Variants in GPHN observed in about 807,000 individuals in gnomAD.
GPHN encodes the protein gephyrin.
In GPHN, 17 loss-of-function variants were observed where a neutral mutation model predicts 95.5. That is an observed-to-expected ratio of 0.18 (90% CI 0.12 to 0.27). The LOEUF (loss-of-function observed/expected upper bound fraction) is 0.27, where lower values mean the gene tolerates loss of function less well. GPHN is among the 10% of genes least tolerant of loss of function. The pLI, the probability that GPHN is intolerant of heterozygous loss-of-function variation, is 1.00. For synonymous variants in GPHN, 320 were observed against 322.5 expected, an observed-to-expected ratio of 0.99 and a Z score of 0.08; for missense variants, 660 against 978.1, an observed-to-expected ratio of 0.67 and a Z score of 4.34.
intron 2 of GPHN, among the ~76,000 whole-genome samples, chr14:66,692,971 G>A (rs1286036438): frequency 6.6e-6 from 1 of 151,822 alleles, no homozygotes; most frequent in South Asian, 2.1e-4. Context: ...TTGAACTATT[G>A]TTTATGTGGG....
At chr14:66,862,051 C>T (rs1398908344) in intron 4 of GPHN, among the ~76,000 whole-genome samples, 1 of 151,828 alleles carries the variant, frequency 6.6e-6, no homozygotes, top group African/African-American at 2.4e-5. Flanking sequence ...AACTGGAAAG[C>T]TTGTTTTTTG....
chr14:66,583,774 T>G (rs959458176), intron 1 of GPHN, among the ~76,000 whole-genome samples: 6 of 152,208 alleles, frequency 3.9e-5, no homozygotes, highest in African/African-American at 7.2e-5. Context: ...TACCATGCTG[T>G]TTTGGTTACT....
At chr14:67,562,362 T>C in the GPHN span, 2 of 1,613,612 alleles carry the variant, frequency 1.2e-6, no homozygotes, top group East Asian at 4.5e-5. Context: ...TCCAGCACGG[T>C]CCATTCTGGG....
chr14:66,999,108 T>C (rs2072036941), intron 9 of GPHN, among the ~76,000 whole-genome samples: 1 of 151,934 alleles, frequency 6.6e-6, no homozygotes. Context: ...AAAATTGTCT[T>C]TTCTTAAATA....
intron 18 of GPHN, among the ~76,000 whole-genome samples, chr14:67,150,464 A>AACAAAAC (rs1555503627): frequency 7.3e-6 from 1 of 136,098 alleles, no homozygotes; most frequent in African/African-American, 2.6e-5. Flanking sequence ...AAAAAAAAAA[A>AACAAAAC]AAAAAAAAAC....
At chr14:66,825,951 T>C (rs893696166) in intron 4 of GPHN, among the ~76,000 whole-genome samples, 2 of 152,244 alleles carry the variant, frequency 1.3e-5, no homozygotes, top group African/African-American at 2.4e-5. Context: ...TTGTGTTTTG[T>C]TTCTTTGTAA....
chr14:67,205,538 G>A, the GPHN span, among the ~76,000 whole-genome samples: 1 of 152,152 alleles, frequency 6.6e-6, no homozygotes, highest in South Asian at 2.1e-4. Context: ...ATTTCGATGG[G>A]TAAACATGAG....
At chr14:67,055,552 G>T (rs1365219829) in intron 10 of GPHN, among the ~76,000 whole-genome samples, 2 of 152,152 alleles carry the variant, frequency 1.3e-5, no homozygotes, top group Non-Finnish European at 2.9e-5. Flanking sequence ...CCATTACTGG[G>T]TATATACCCA....
chr14:67,079,740 A>G (rs2076619070), intron 11 of GPHN, among the ~76,000 whole-genome samples: 1 of 152,056 alleles, frequency 6.6e-6, no homozygotes, highest in South Asian at 2.1e-4. Context: ...AAAACTCTCT[A>G]TCCATTAAAT....
chr14:67,678,966 C>G, the GPHN span, among the ~76,000 whole-genome samples: 2 of 152,150 alleles, frequency 1.3e-5, no homozygotes, highest in African/African-American at 4.8e-5. Flanking sequence ...AATGGTAAAA[C>G]CAAGGTACGA....
At chr14:66,594,591 T>A (rs928475148) in intron 1 of GPHN, among the ~76,000 whole-genome samples, 1 of 152,112 alleles carries the variant, frequency 6.6e-6, no homozygotes, top group African/African-American at 2.4e-5. Context: ...CAATAAATGG[T>A]CGTAGGGAAA....
the GPHN span, among the ~76,000 whole-genome samples, chr14:67,329,897 A>T: frequency 6.4e-4 from 96 of 151,126 alleles, no homozygotes; most frequent in Non-Finnish European, 1.1e-3. Flanking sequence ...GAAACTAAGA[A>T]GATGATGGTG....
intron 1 of GPHN, among the ~76,000 whole-genome samples, chr14:66,535,962 C>G (rs2059128066): frequency 3.3e-5 from 5 of 151,912 alleles, no homozygotes; most frequent in Admixed American, 3.3e-4. Flanking sequence ...TTGCAATGGC[C>G]AAGGCTTCTA....
intron 8 of GPHN, among the ~76,000 whole-genome samples, chr14:66,932,945 A>G (rs2153567603): frequency 6.6e-6 from 1 of 152,318 alleles, no homozygotes; most frequent in Admixed American, 6.5e-5. Context: ...ATTAGGGTTT[A>G]ATTCTTTGGA....
chr14:67,562,544 G>T, the GPHN span: 1 of 1,608,982 alleles, frequency 6.2e-7, no homozygotes, highest in South Asian at 1.1e-5. Context: ...CAGGGAAGGT[G>T]GTCCTGGCAG....
At chr14:66,645,691 CA>C (rs35278627) in intron 1 of GPHN, among the ~76,000 whole-genome samples, 2,703 of 108,982 alleles carry the variant, frequency 0.025, 30 homozygotes, top group Non-Finnish European at 0.038. Context: ...GACTCCATTT[CA>C]AAAAAAAAAA....
At chr14:67,007,837 T>C (rs147808191) in intron 9 of GPHN, among the ~76,000 whole-genome samples, 2 of 151,822 alleles carry the variant, frequency 1.3e-5, no homozygotes, top group East Asian at 3.9e-4. Flanking sequence ...TAATGATGAA[T>C]GAAAAAGAGG....
intron 1 of GPHN, among the ~76,000 whole-genome samples, chr14:66,642,132 T>A (rs1280447016): frequency 6.6e-6 from 1 of 152,146 alleles, no homozygotes; most frequent in Non-Finnish European, 1.5e-5. Flanking sequence ...CCAGCCCTAA[T>A]TCGTGGTACC....
intron 5 of GPHN, among the ~76,000 whole-genome samples, chr14:66,882,463 C>G (rs935637030): frequency 1.4e-4 from 21 of 151,778 alleles, no homozygotes; most frequent in African/African-American, 4.8e-4. Context: ...ATTTGGACAA[C>G]TTAATATCCT....
Sources: gnomAD v4.1 joint callset for allele counts (sites outside exome capture counted in the v4.1 genomes callset) on GRCh38, gnomAD v4.1.1 for gene constraint, MANE v1.5 for transcripts, NCBI Gene and HGNC (gene_info 2026-07-23, HGNC 2026-07-21) for gene names.